Variants in PPFIBP2 observed in about 807,000 individuals in gnomAD.
PPFIBP2 encodes liprin-beta-2.
A neutral mutation model predicts 118.3 loss-of-function variants in PPFIBP2; 118 were observed. That is an observed-to-expected ratio of 1.00 (90% CI 0.86 to 1.16). PPFIBP2 has a LOEUF of 1.16. Ranked by LOEUF, PPFIBP2 falls within the 50% of genes most tolerant of loss-of-function variation. The probability of loss-of-function intolerance (pLI) is 0.00; values close to 1 mark genes in which losing one functional copy is unlikely to be tolerated. For synonymous variants in PPFIBP2, 414 were observed against 397.4 expected, an observed-to-expected ratio of 1.04 and a Z score of -0.50; for missense variants, 1,195 against 1,073.1, an observed-to-expected ratio of 1.11 and a Z score of -1.59.
chr11:7,562,856 A>G lies in PPFIBP2; in HGVS notation c.65-2697A>G, dbSNP rs1186973849. The stretch of plus-strand genomic sequence containing the variant: ...ATTTATCTTTTCACTTCCCTCATCT[A>G]GTATTTATTGACTATTGGTTTTGTT... On this transcript the variant is annotated intron_variant, in intron 2 of 23. Transcript: ENST00000299492. Among the ~76,000 whole-genome samples the G allele has an allele frequency of 3.4e-5, 5 of 149,042 alleles. No homozygotes were observed. In the East Asian group the frequency reaches 9.9e-4, roughly 29 times the overall value.
rs186568747 is a variant in PPFIBP2 at position 7,580,777 on chromosome 11, G to A, written c.280-12355G>A. ...AGTACCTACCACATACAGGCTTTAT[G>A]AGGACTCAGTAAGATAGTACGATTA... On this transcript the variant is annotated intron_variant, in intron 3 of 23. Coordinates refer to ENST00000299492, the MANE Select transcript of PPFIBP2 (RefSeq NM_003621.5). Among the ~76,000 whole-genome samples the A allele has an allele frequency of 1.4e-3, 218 of 152,248 alleles. 2 individuals are homozygous for A. The highest frequency in any genetic ancestry group is 4.9e-3 in the African/African-American group (205 of 41,552).
At chr11:7,536,659 A>G (rs964365683) in intron 1 of PPFIBP2, among the ~76,000 whole-genome samples, 7 of 152,106 alleles carry the variant, frequency 4.6e-5, no homozygotes, top group Admixed American at 3.9e-4. Context: ...GAAACATGAG[A>G]TTAGAGATCC....
chr11:7,655,008 C>G (rs1387035233), downstream of PPFIBP2, among the ~76,000 whole-genome samples: 1 of 152,114 alleles, frequency 6.6e-6, no homozygotes, highest in Non-Finnish European at 1.5e-5. Flanking sequence ...AGGAAGGATG[C>G]CCACCTATGT....
intron 5 of PPFIBP2, chr11:7,606,053 A>G: frequency 6.5e-7 from 1 of 1,527,498 alleles, no homozygotes; most frequent in Non-Finnish European, 8.7e-7. Context: ...AAAAGCCTGA[A>G]GGAAGTAGGT....
At chr11:7,531,011 A>G (rs570120535) in intron 1 of PPFIBP2, among the ~76,000 whole-genome samples, 1 of 152,304 alleles carries the variant, frequency 6.6e-6, no homozygotes, top group African/African-American at 2.4e-5. Flanking sequence ...CCAGGAGATC[A>G]TTAGACCTTC....
chr11:7,533,002 G>C (rs1399154782), intron 1 of PPFIBP2, among the ~76,000 whole-genome samples: 2 of 151,180 alleles, frequency 1.3e-5, no homozygotes, highest in Middle Eastern at 3.2e-3. Flanking sequence ...GCACGCTCCA[G>C]CTAATAGAGA....
At chr11:7,656,094 G>A (rs1334646204), downstream of PPFIBP2, among the ~76,000 whole-genome samples, 1 of 152,198 alleles carries the variant, frequency 6.6e-6, no homozygotes, top group African/African-American at 2.4e-5. Flanking sequence ...TCTCTCCTGA[G>A]CTTTGGCTTA....
intron 1 of PPFIBP2, among the ~76,000 whole-genome samples, chr11:7,528,297 A>T (rs748512739): frequency 2.0e-5 from 3 of 152,128 alleles, no homozygotes; most frequent in Admixed American, 2.0e-4. Flanking sequence ...ATGCATACAC[A>T]TATATATTTA....
At chr11:7,606,675 A>G (rs1488252455) in intron 5 of PPFIBP2, among the ~76,000 whole-genome samples, 1 of 152,168 alleles carries the variant, frequency 6.6e-6, no homozygotes, top group African/African-American at 2.4e-5. Context: ...GGCATGACCA[A>G]TTGGAATGGC....
intron 5 of PPFIBP2, among the ~76,000 whole-genome samples, chr11:7,599,716 C>G (rs919617456): frequency 6.6e-6 from 1 of 151,262 alleles, no homozygotes; most frequent in African/African-American, 2.4e-5. Context: ...CTGCAACCTC[C>G]GCCTCCTGGG....
downstream of PPFIBP2, chr11:7,656,655 C>G (rs1236270321): frequency 6.1e-6 from 7 of 1,151,520 alleles, no homozygotes; most frequent in East Asian, 1.7e-4. Context: ...CCCTCTAGTT[C>G]CGGTGCAGCT....
chr11:7,522,947 C>G (rs1849894933), intron 1 of PPFIBP2, among the ~76,000 whole-genome samples: 1 of 152,200 alleles, frequency 6.6e-6, no homozygotes, highest in Admixed American at 6.5e-5. Context: ...TCTACCCAGA[C>G]TTCAGGGCAC....
chr11:7,540,683 G>T (rs1018507598), intron 1 of PPFIBP2, among the ~76,000 whole-genome samples: 13 of 152,140 alleles, frequency 8.5e-5, no homozygotes, highest in Admixed American at 5.9e-4. Flanking sequence ...TTACAGAATG[G>T]GGGACCCCAC....
At chr11:7,516,397 A>T (rs576516568) in intron 1 of PPFIBP2, among the ~76,000 whole-genome samples, 1 of 152,242 alleles carries the variant, frequency 6.6e-6, no homozygotes, top group South Asian at 2.1e-4. Flanking sequence ...GACTGATTAG[A>T]TGCAATGAGA....
intron 22 of PPFIBP2, 72 bp downstream of exon 22, chr11:7,651,037 C>G: frequency 1.3e-6 from 2 of 1,499,994 alleles, no homozygotes; most frequent in Non-Finnish European, 9.0e-7. Context: ...TTATTAAGGA[C>G]AAGGCACAAA....
At chr11:7,542,408 A>C (rs952300729) in intron 1 of PPFIBP2, among the ~76,000 whole-genome samples, 2 of 152,162 alleles carry the variant, frequency 1.3e-5, no homozygotes, top group African/African-American at 2.4e-5. Context: ...TATTTCTTTT[A>C]ATCTTAATCA....
At chr11:7,541,902 C>G (rs1421866865) in intron 1 of PPFIBP2, among the ~76,000 whole-genome samples, 1 of 152,210 alleles carries the variant, frequency 6.6e-6, no homozygotes, top group African/African-American at 2.4e-5. Context: ...TCTGCTCTCT[C>G]ATGCCCATGT....
At chr11:7,577,323 G>T in intron 3 of PPFIBP2, 1 of 265,436 alleles carries the variant, frequency 3.8e-6, no homozygotes, top group Non-Finnish European at 7.3e-6. Context: ...GTATGTGCGT[G>T]TGTGTGTGTG....
intron 1 of PPFIBP2, among the ~76,000 whole-genome samples, chr11:7,525,855 G>C (rs4078086): frequency 6.6e-6 from 1 of 152,106 alleles, no homozygotes; most frequent in Admixed American, 6.5e-5. Context: ...GTGCAAAGCC[G>C]GTATCCCTGT....
Sources: gnomAD v4.1 joint callset for allele counts (sites outside exome capture counted in the v4.1 genomes callset) on GRCh38, gnomAD v4.1.1 for gene constraint, MANE v1.5 for transcripts, NCBI Gene and HGNC (gene_info 2026-07-23, HGNC 2026-07-21) for gene names.